MEGF11: variants seen among roughly 807,000 people sequenced by gnomAD.
The protein encoded by MEGF11 is multiple epidermal growth factor-like domains protein 11.
A neutral mutation model predicts 146.6 loss-of-function variants in MEGF11; 126 were observed. The observed-to-expected ratio is 0.86, with a 90% confidence interval of 0.74 to 1.00. MEGF11 has a LOEUF of 1.00. Among genes scored for constraint, MEGF11 ranks in the 50% least tolerant of loss-of-function variants. The probability of loss-of-function intolerance (pLI) is 0.00; values close to 1 mark genes in which losing one functional copy is unlikely to be tolerated. For synonymous variants in MEGF11, 532 were observed against 583.4 expected (o/e 0.91, Z 1.27); for missense variants, 1,509 against 1,521.2 (o/e 0.99, Z 0.13).
chr15:65,980,395 C>CA (rs1251874696), intron 7 of MEGF11, among the ~76,000 whole-genome samples: 33 of 88,198 alleles, frequency 3.7e-4, no homozygotes, highest in African/African-American at 1.5e-3. Flanking sequence ...AAGAATTCAG[C>CA]TTTTTTTTTT....
chr15:66,150,822 TCGAGAGAG>T (rs1223577076), intron 1 of MEGF11, among the ~76,000 whole-genome samples: 1 of 90,044 alleles, frequency 1.1e-5, no homozygotes, highest in Non-Finnish European at 2.2e-5. Flanking sequence ...CAATGCCCTG[TCGAGAGAG>T]AGAGAGAGAG....
At chr15:65,916,460 C>T (rs573311927) in intron 17 of MEGF11, 184 bp from the exon 18 acceptor site, 36 of 799,904 alleles carry the variant, frequency 4.5e-5, no homozygotes, top group Admixed American at 5.7e-5. Flanking sequence ...GCAAGGTGAT[C>T]GTTGCCTTTC....
intron 1 of MEGF11, among the ~76,000 whole-genome samples, chr15:66,137,298 T>C (rs2088929206): frequency 6.6e-6 from 1 of 152,224 alleles, no homozygotes; most frequent in Non-Finnish European, 1.5e-5. Flanking sequence ...ATCATCACTA[T>C]AGTCAGAAAA....
rs1307586528 is a variant in MEGF11, at chr15:65,896,573, T to G, written c.*1361A>C. The G allele has an allele frequency of 6.5e-6, 1 of 152,694 alleles. No homozygotes were observed. Among genetic ancestry groups the G allele is most frequent in the Admixed American group, 6.5e-5 (1 of 15,294 alleles). 9.5% of individuals were successfully genotyped at this position (152,694 alleles called of 1,614,324 possible). ...GGAGTAGCCGTTAGCTTCCTAGGTT[T>G]GCCCTTTTTGTTTTTAATTCTTGTG... is the stretch of plus-strand genomic sequence containing the variant. On this transcript the variant is annotated 3_prime_UTR_variant, in exon 26 of 26. Transcript: ENST00000395614.
At chr15:66,205,386 A>T (rs2091274758) in intron 1 of MEGF11, among the ~76,000 whole-genome samples, 1 of 152,152 alleles carries the variant, frequency 6.6e-6, no homozygotes, top group Non-Finnish European at 1.5e-5. Context: ...TGAGGTTACA[A>T]TGAGCTATAA....
At chr15:66,203,958 G>A (rs573042015) in intron 1 of MEGF11, among the ~76,000 whole-genome samples, 1 of 152,170 alleles carries the variant, frequency 6.6e-6, no homozygotes, top group South Asian at 2.1e-4. Context: ...AAATGTTTCT[G>A]TGGGCCAGGT....
chr15:66,044,183 T>C (rs1197506645), intron 5 of MEGF11, among the ~76,000 whole-genome samples: 1 of 152,150 alleles, frequency 6.6e-6, no homozygotes, highest in East Asian at 1.9e-4. Flanking sequence ...GGAAGGAATA[T>C]AGTTGCTAGC....
intron 1 of MEGF11, among the ~76,000 whole-genome samples, chr15:66,242,810 G>A (rs960867459): frequency 2.0e-5 from 3 of 151,998 alleles, no homozygotes; most frequent in Admixed American, 6.6e-5. Context: ...GCCCTATCAC[G>A]CCTTCAGCCA....
chr15:65,917,665 T>G (rs1596835729), intron 16 of MEGF11, among the ~76,000 whole-genome samples: 1 of 152,260 alleles, frequency 6.6e-6, no homozygotes, highest in Non-Finnish European at 1.5e-5. Context: ...CACCACCTCT[T>G]CCCCATCCAA....
chr15:65,934,356 A>G (rs2079690471), intron 10 of MEGF11, among the ~76,000 whole-genome samples: 1 of 152,192 alleles, frequency 6.6e-6, no homozygotes. Flanking sequence ...GGTTCAAGCG[A>G]TTCTCCTGCC....
intron 18 of MEGF11, among the ~76,000 whole-genome samples, chr15:65,915,921 T>G (rs2078982886): frequency 6.6e-6 from 1 of 152,322 alleles, no homozygotes; most frequent in East Asian, 1.9e-4. Flanking sequence ...CTCTCATTAC[T>G]TGCTATGACC....
intron 5 of MEGF11, among the ~76,000 whole-genome samples, chr15:65,989,711 A>G (rs2081973116): frequency 6.6e-6 from 1 of 152,254 alleles, no homozygotes; most frequent in Non-Finnish European, 1.5e-5. Context: ...AGGATGGGTC[A>G]GAGCCAATGC....
At chr15:66,122,985 G>A (rs2088120969) in intron 3 of MEGF11, among the ~76,000 whole-genome samples, 1 of 152,028 alleles carries the variant, frequency 6.6e-6, no homozygotes, top group Admixed American at 6.6e-5. Flanking sequence ...GGGTTTCACT[G>A]TGTTAGCCAG....
At chr15:65,983,626 C>T (rs945810145) in intron 5 of MEGF11, among the ~76,000 whole-genome samples, 3 of 152,100 alleles carry the variant, frequency 2.0e-5, no homozygotes, top group East Asian at 3.9e-4. Context: ...TCTCACTTGT[C>T]TGGCTAATAG....
intron 5 of MEGF11, among the ~76,000 whole-genome samples, chr15:66,062,015 C>T (rs896076147): frequency 6.6e-6 from 1 of 152,258 alleles, no homozygotes; most frequent in Non-Finnish European, 1.5e-5. Context: ...CTGCCTTGGC[C>T]TCCCAAAAGT....
At chr15:66,189,485 G>T (rs1439263461) in intron 1 of MEGF11, among the ~76,000 whole-genome samples, 2 of 152,154 alleles carry the variant, frequency 1.3e-5, no homozygotes, top group East Asian at 3.9e-4. Context: ...GAGGCCCAAG[G>T]TCACACAGGT....
intron 4 of MEGF11, among the ~76,000 whole-genome samples, chr15:66,106,112 A>G (rs935871949): frequency 3.3e-5 from 5 of 152,204 alleles, no homozygotes; most frequent in African/African-American, 7.2e-5. Context: ...GGAGCAAAGA[A>G]GCGATTCTGG....
intron 1 of MEGF11, among the ~76,000 whole-genome samples, chr15:66,155,367 C>T (rs529090967): frequency 1.1e-4 from 16 of 152,230 alleles, no homozygotes; most frequent in South Asian, 4.2e-4. Flanking sequence ...GGAAAGAGGC[C>T]GGGTGAACCC....
chr15:66,153,264 C>T (rs2089634316), intron 1 of MEGF11, among the ~76,000 whole-genome samples: 1 of 152,156 alleles, frequency 6.6e-6, no homozygotes, highest in Admixed American at 6.5e-5. Context: ...CCATGGCTTA[C>T]CCAACGCCCA....
Sources: gnomAD v4.1 joint callset for allele counts (sites outside exome capture counted in the v4.1 genomes callset) on GRCh38, gnomAD v4.1.1 for gene constraint, MANE v1.5 for transcripts, NCBI Gene and HGNC (gene_info 2026-07-23, HGNC 2026-07-21) for gene names.